GPAT4: variants seen among roughly 807,000 people sequenced by gnomAD.
GPAT4 encodes the protein glycerol-3-phosphate acyltransferase 4, also known as 1-AGP acyltransferase 6.
In GPAT4, 17 loss-of-function variants were observed where a neutral mutation model predicts 58.0. That is an observed-to-expected ratio of 0.29 (90% CI 0.20 to 0.44). The LOEUF (loss-of-function observed/expected upper bound fraction) is 0.44. Among genes scored for constraint, GPAT4 ranks in the 20% least tolerant of loss-of-function variants. GPAT4 has a pLI of 1.00. For synonymous variants in GPAT4, 204 were observed against 210.1 expected, an observed-to-expected ratio of 0.97 and a Z score of 0.25; for missense variants, 377 against 574.5, an observed-to-expected ratio of 0.66 and a Z score of 3.51.
At chr8:41,581,805 TG>T (rs1297647301) in intron 1 of GPAT4, among the ~76,000 whole-genome samples, 2 of 150,754 alleles carry the variant, frequency 1.3e-5, no homozygotes, top group African/African-American at 2.4e-5. Context: ...ATTTTTTTTT[TG>T]TATTTTTTAG....
intron 1 of GPAT4, among the ~76,000 whole-genome samples, chr8:41,594,903 CT>C (rs1033711894): frequency 7.3e-5 from 11 of 150,832 alleles, no homozygotes; most frequent in Non-Finnish European, 1.3e-4. Flanking sequence ...TACCATATAG[CT>C]TTTTTTTTAC....
At chr8:41,614,518 A>T (rs1395925076) in intron 9 of GPAT4, 77 bp downstream of exon 9, 1 of 1,430,834 alleles carries the variant, frequency 7.0e-7, no homozygotes, top group African/African-American at 1.4e-5. Context: ...CTGGGAACCA[A>T]GGCCCTCAGC....
At chr8:41,609,343 A>G (rs1040023440) in intron 2 of GPAT4, 73 bp from the exon 3 acceptor site, 5 of 1,441,052 alleles carry the variant, frequency 3.5e-6, no homozygotes, top group Non-Finnish European at 4.9e-6. Context: ...TTCACAGAAT[A>G]GAGATGGAGG....
chr8:41,602,266 A>G (rs1458811851), intron 2 of GPAT4, among the ~76,000 whole-genome samples: 2 of 152,210 alleles, frequency 1.3e-5, no homozygotes, highest in African/African-American at 4.8e-5. Flanking sequence ...CCTGGGGCAC[A>G]GTGATTTAGA....
chr8:41,615,174 G>A (rs1803558559), intron 10 of GPAT4, 126 bp downstream of exon 10: 1 of 826,852 alleles, frequency 1.2e-6, no homozygotes, highest in Non-Finnish European at 1.9e-6. Flanking sequence ...AGAGTGGCGT[G>A]GGGCTGGGTT....
At chr8:41,583,049 C>T (rs1802564217) in intron 1 of GPAT4, among the ~76,000 whole-genome samples, 1 of 151,664 alleles carries the variant, frequency 6.6e-6, no homozygotes, top group Non-Finnish European at 1.5e-5. Context: ...ATGATGAAAC[C>T]CCTTCTCCAC....
chr8:41,587,577 A>G (rs969246494), intron 1 of GPAT4, among the ~76,000 whole-genome samples: 1 of 152,130 alleles, frequency 6.6e-6, no homozygotes, highest in African/African-American at 2.4e-5. Flanking sequence ...ACAGTTCCTC[A>G]TTGTGTGGGA....
intron 1 of GPAT4, among the ~76,000 whole-genome samples, chr8:41,588,341 C>T (rs184738794): frequency 2.6e-5 from 4 of 152,218 alleles, no homozygotes; most frequent in East Asian, 1.9e-4. Context: ...CACAGAGAGC[C>T]GACTGAAAAG....
At chr8:41,609,369 A>T in intron 2 of GPAT4, 47 bp from the exon 3 acceptor site, 1 of 1,574,520 alleles carries the variant, frequency 6.4e-7, no homozygotes. Flanking sequence ...ACTGATTGAA[A>T]ACAGGTCTCA....
rs1803480063 is a variant in GPAT4 at position 41,612,736 on chromosome 8, TAGAAGTG to T, written c.796-102_796-96del. 4.3e-6 allele frequency: 4 copies of T among 939,244 alleles called. No homozygotes were observed. The Admixed American group carries it at 1.1e-4, about 25-fold the overall frequency. 58.2% of individuals were successfully genotyped at this position (939,244 alleles called of 1,614,324 possible). A position where few individuals can be genotyped will look rare whatever the true frequency, so the allele number is the denominator to read the frequency against. On this transcript the variant is annotated intron_variant, in intron 7 of 12. Transcript: ENST00000396987. ...TGAGCAACCTTCAGCCGGCAAGCGT[TAGAAGTG>T]AGAAGTTGGACTGCTTATTTTGTGA...
At chr8:41,612,819 C>T (rs770067704) in intron 7 of GPAT4, 26 bp from the exon 8 acceptor site, 1 of 1,600,480 alleles carries the variant, frequency 6.2e-7, no homozygotes. Context: ...GGCTTCACTA[C>T]TAATGAGTCC....
intron 1 of GPAT4, among the ~76,000 whole-genome samples, chr8:41,596,946 G>A (rs969641795): frequency 6.6e-6 from 1 of 152,160 alleles, no homozygotes; most frequent in African/African-American, 2.4e-5. Context: ...GGTCATGATC[G>A]ATTGAGCAAG....
In GPAT4 at chr8:41,610,723, C is replaced by A. The variant is rs1231740334; in HGVS notation, c.537-13C>A. On this transcript the variant is annotated splice_polypyrimidine_tract_variant and intron_variant, in intron 4 of 12. Coordinates refer to ENST00000396987, the MANE Select transcript of GPAT4 (RefSeq NM_178819.4). ...ATTTGCTGGCTGTGCTCTAACTTTT[C>A]TTCTTCTTACAGGATAGCACTGGCT... 2.5e-6 allele frequency: 4 copies of A among 1,601,846 alleles called. No homozygotes were observed. The South Asian group carries it at 4.5e-5, about 18-fold the overall frequency.
chr8:41,595,325 CTTTTTTTTTTTTTT>C (rs61465079), intron 1 of GPAT4, among the ~76,000 whole-genome samples: 1 of 73,812 alleles, frequency 1.4e-5, no homozygotes, highest in Non-Finnish European at 2.5e-5. Flanking sequence ...TTAAATCTTC[CTTTTTTTTTTTTTT>C]TTTTTTTTTT....
chr8:41,592,678 A>G (rs1047433694), intron 1 of GPAT4, among the ~76,000 whole-genome samples: 3 of 152,170 alleles, frequency 2.0e-5, no homozygotes, highest in Non-Finnish European at 4.4e-5. Context: ...AATTGCAAAA[A>G]CATTTCATGT....
intron 1 of GPAT4, among the ~76,000 whole-genome samples, chr8:41,591,998 CATGTAA>C (rs1483611028): frequency 6.6e-6 from 1 of 152,220 alleles, no homozygotes; most frequent in East Asian, 1.9e-4. Context: ...TTCGGTTGAG[CATGTAA>C]ATGGCAGTCC....
At chr8:41,606,939 G>A (rs756076951) in intron 2 of GPAT4, among the ~76,000 whole-genome samples, 3 of 152,190 alleles carry the variant, frequency 2.0e-5, no homozygotes, top group African/African-American at 4.8e-5. Context: ...TTTACTTCAC[G>A]TTGTCTCCTC....
At chr8:41,579,118 A>G (rs572411802) in intron 1 of GPAT4, among the ~76,000 whole-genome samples, 18 of 152,374 alleles carry the variant, frequency 1.2e-4, no homozygotes, top group South Asian at 4.1e-4. Context: ...AAGAGCAGTT[A>G]TACCATACCA....
At position 41,612,033 on chromosome 8, in the gene GPAT4, C is replaced by G. The variant is rs777488202; in HGVS notation, c.701+41C>G. On this transcript the variant is annotated intron_variant, in intron 6 of 12. Transcript: ENST00000396987. ...ATTGATAGGAAGGGAGATGGCGCTGCAGGAAACACCACCCACCTATACTTA... is the reference window on the plus strand; with the variant it reads ...ATTGATAGGAAGGGAGATGGCGCTGGAGGAAACACCACCCACCTATACTTA... 3 of 1,606,296 alleles carry G rather than the reference C, an allele frequency of 1.9e-6. 1 individual carries two copies. In the Admixed American group the frequency reaches 5.0e-5, roughly 27 times the overall value.
Sources: allele counts gnomAD v4.1 joint callset (sites outside exome capture counted in the v4.1 genomes callset), GRCh38; gene constraint gnomAD v4.1.1; transcripts MANE v1.5; gene names NCBI Gene and HGNC (gene_info 2026-07-23, HGNC 2026-07-21).